FAM227B: variants seen among roughly 807,000 people sequenced by gnomAD.
FAM227B encodes the protein protein FAM227B.
In FAM227B, 88 loss-of-function variants were observed where a neutral mutation model predicts 73.8. That is an observed-to-expected ratio of 1.19 (90% CI 1.00 to 1.42). The LOEUF (loss-of-function observed/expected upper bound fraction) is 1.42. Ranked by LOEUF, FAM227B falls within the 40% of genes most tolerant of loss-of-function variation. The pLI is 0.00. For missense variants in FAM227B, 632 were observed against 590.9 expected, an observed-to-expected ratio of 1.07 and a Z score of -0.72; for synonymous variants, 210 against 190.5, an observed-to-expected ratio of 1.10 and a Z score of -0.84.
At chr15:49,361,242 AT>A (rs1051136727) in intron 13 of FAM227B, among the ~76,000 whole-genome samples, 52 of 151,826 alleles carry the variant, frequency 3.4e-4, no homozygotes, top group African/African-American at 9.4e-4. Context: ...TATGATGCAA[AT>A]TTTTTTTTAA....
At chr15:49,394,091 AATCACCTTTGAGTAACAAGGGGAT>A (rs1258297191) in intron 11 of FAM227B, among the ~76,000 whole-genome samples, 1 of 152,158 alleles carries the variant, frequency 6.6e-6, no homozygotes, top group Non-Finnish European at 1.5e-5. Context: ...TGATCTGTGG[AATCACCTTTGAGTAACAAGGGGAT>A]AGAGAACACA....
At chr15:49,605,073 T>C (rs1231106106) in intron 3 of FAM227B, among the ~76,000 whole-genome samples, 2 of 152,112 alleles carry the variant, frequency 1.3e-5, no homozygotes, top group Admixed American at 6.5e-5. Flanking sequence ...ATTTGTTACT[T>C]TGGTGATGTC....
At chr15:49,584,559 G>C (rs1567635539) in intron 5 of FAM227B, among the ~76,000 whole-genome samples, 3 of 152,100 alleles carry the variant, frequency 2.0e-5, no homozygotes, top group African/African-American at 4.8e-5. Flanking sequence ...CAAATAGAAA[G>C]AAAGGAAGTC....
At chr15:49,407,889 G>C (rs2048626894) in intron 11 of FAM227B, among the ~76,000 whole-genome samples, 1 of 151,842 alleles carries the variant, frequency 6.6e-6, no homozygotes, top group Admixed American at 6.6e-5. Flanking sequence ...ATCTGTTTCT[G>C]TACCTATAGT....
chr15:49,570,714 C>T (rs2075032425), intron 8 of FAM227B, among the ~76,000 whole-genome samples: 1 of 151,030 alleles, frequency 6.6e-6, no homozygotes, highest in Non-Finnish European at 1.5e-5. Context: ...TGAGATCATA[C>T]AGTATTTGTC....
chr15:49,615,030 A>G (rs1291219078), intron 2 of FAM227B, 91 bp downstream of exon 2: 18 of 1,188,594 alleles, frequency 1.5e-5, no homozygotes, highest in African/African-American at 3.0e-5. Context: ...TCAGTGACAA[A>G]GCCAGCTCTA....
intron 10 of FAM227B, among the ~76,000 whole-genome samples, chr15:49,524,085 C>T (rs2059978443): frequency 6.6e-6 from 1 of 152,204 alleles, no homozygotes; most frequent in African/African-American, 2.4e-5. Flanking sequence ...AGGAGAAATT[C>T]AAGGCAGCTG....
chr15:49,556,155 T>G (rs947569972), intron 9 of FAM227B, among the ~76,000 whole-genome samples: 2 of 152,250 alleles, frequency 1.3e-5, no homozygotes, highest in Non-Finnish European at 2.9e-5. Flanking sequence ...TCTATCTTTT[T>G]GAGTTCCCAG....
At chr15:49,568,098 A>C in intron 9 of FAM227B, 147 bp downstream of exon 9, 1 of 639,080 alleles carries the variant, frequency 1.6e-6, no homozygotes, top group South Asian at 2.1e-5. Flanking sequence ...TAAGAGCATA[A>C]CTTTCAAAAT....
chr15:49,532,907 T>C (rs1321511354), intron 10 of FAM227B, among the ~76,000 whole-genome samples: 1 of 151,922 alleles, frequency 6.6e-6, no homozygotes, highest in Admixed American at 6.6e-5. Flanking sequence ...TTTTTCATAT[T>C]TTAATTGGCT....
intron 5 of FAM227B, among the ~76,000 whole-genome samples, chr15:49,580,235 C>A (rs574443471): frequency 6.6e-6 from 1 of 152,252 alleles, no homozygotes; most frequent in Non-Finnish European, 1.5e-5. Flanking sequence ...TAAGTAGTCA[C>A]AATTTTAAAA....
intron 11 of FAM227B, among the ~76,000 whole-genome samples, chr15:49,475,512 T>A (rs2055180314): frequency 6.6e-6 from 1 of 152,200 alleles, no homozygotes; most frequent in Non-Finnish European, 1.5e-5. Flanking sequence ...TAAACTTTAA[T>A]ATTAAGATAG....
intron 9 of FAM227B, among the ~76,000 whole-genome samples, chr15:49,565,561 G>A (rs971006241): frequency 6.6e-5 from 10 of 152,020 alleles, no homozygotes; most frequent in Non-Finnish European, 1.5e-4. Context: ...ATTCAGATAA[G>A]TATTTATAAT....
chr15:49,455,881 A>G (rs956081075), intron 11 of FAM227B, among the ~76,000 whole-genome samples: 2 of 152,028 alleles, frequency 1.3e-5, no homozygotes, highest in African/African-American at 2.4e-5. Context: ...ACCCAGAAAT[A>G]TGCTCCTCTT....
chr15:49,368,893 G>T (rs890528589), intron 12 of FAM227B, among the ~76,000 whole-genome samples: 1 of 152,168 alleles, frequency 6.6e-6, no homozygotes, highest in Non-Finnish European at 1.5e-5. Flanking sequence ...GTTTTTAAGA[G>T]TACTTCAGCC....
At chr15:49,506,279 T>A (rs1408954038) in intron 11 of FAM227B, among the ~76,000 whole-genome samples, 1 of 152,078 alleles carries the variant, frequency 6.6e-6, no homozygotes, top group African/African-American at 2.4e-5. Flanking sequence ...TTCAGGCCAA[T>A]GTAGTCTCTG....
In FAM227B at chr15:49,467,688, T is replaced by C. The variant is rs530542133; in HGVS notation, c.1012+40523A>G. Among the ~76,000 whole-genome samples, 136 of 152,264 alleles carry C rather than the reference T, an allele frequency of 8.9e-4. 5 individuals are homozygous for C. The South Asian group carries it at 0.026, about 29-fold the overall frequency. On this transcript the variant is annotated intron_variant, in intron 11 of 15. Transcript: ENST00000299338. ...CAGTGTTGTATTTAGCAGATGTAAA[T>C]AGTCTACATTGTCAGACAAATAATT...
rs1567165203 is a variant in FAM227B, at chr15:49,367,581, A to T, written c.1138T>A (p.Phe380Ile). ...KSHYSSTGPE[F>I]NRVLFNFGGQ... The stretch of plus-strand genomic sequence containing the variant: ...CCAAAATTGAAGAGAACACGATTAA[A>T]CTCTGGACCAGTACTACTATAGTGC... The change falls in exon 13 of 16, where the codon TTT becomes ATT. Residue 380 changes from phenylalanine to isoleucine, a missense_variant. Transcript: ENST00000299338. The T allele has an allele frequency of 6.3e-7, 1 of 1,599,516 alleles. No individual in the cohort carries two copies. Among genetic ancestry groups the T allele is most frequent in the Non-Finnish European group, 8.5e-7 (1 of 1,176,772 alleles).
At chr15:49,398,487 AC>A (rs1289403182) in intron 11 of FAM227B, among the ~76,000 whole-genome samples, 46 of 130,650 alleles carry the variant, frequency 3.5e-4, no homozygotes, top group African/African-American at 1.3e-3. Context: ...TCAGCTCTGC[AC>A]CAAGCAGACC....
Sources: allele counts gnomAD v4.1 joint callset (sites outside exome capture counted in the v4.1 genomes callset), GRCh38; gene constraint gnomAD v4.1.1; transcripts MANE v1.5; gene names NCBI Gene and HGNC (gene_info 2026-07-23, HGNC 2026-07-21).